RSF1: variants seen among roughly 807,000 people sequenced by gnomAD.
RSF1 encodes remodeling and spacing factor 1.
A neutral mutation model predicts 145.2 loss-of-function variants in RSF1; 13 were observed. The ratio of observed to expected loss-of-function variants is 0.09; its 90% CI spans 0.06 to 0.14. The LOEUF is 0.14. Ranked by LOEUF, RSF1 falls within the 10% of genes least tolerant of loss-of-function variation. The pLI is 1.00. For missense variants in RSF1, 1,517 were observed against 1,718.2 expected (o/e 0.88, Z 2.07); for synonymous variants, 577 against 592.6 (o/e 0.97, Z 0.38).
the RSF1 span, chr11:77,869,750 T>C: frequency 6.2e-7 from 1 of 1,613,988 alleles, no homozygotes; most frequent in Non-Finnish European, 8.5e-7. Context: ...CCTGCAGATG[T>C]GAAGGAAGTT....
At chr11:77,703,016 CTGG>C (rs1356953507) in intron 5 of RSF1, 1 of 152,156 alleles carries the variant, frequency 6.6e-6, no homozygotes. Context: ...TTACTTCCTT[CTGG>C]TCTTGTATAT....
chr11:77,770,722 T>C (rs901175175), intron 1 of RSF1, among the ~76,000 whole-genome samples: 9 of 152,176 alleles, frequency 5.9e-5, no homozygotes, highest in African/African-American at 1.7e-4. Context: ...ACCAAGAAAG[T>C]AATCAGCATA....
At chr11:77,761,104 T>A (rs1322587941) in intron 2 of RSF1, among the ~76,000 whole-genome samples, 1 of 150,910 alleles carries the variant, frequency 6.6e-6, no homozygotes, top group East Asian at 2.0e-4. Context: ...GCCCAGCTAA[T>A]TTTTTTTTGT....
intron 1 of RSF1, among the ~76,000 whole-genome samples, chr11:77,789,694 G>C (rs1222532626): frequency 6.6e-6 from 1 of 152,190 alleles, no homozygotes; most frequent in Non-Finnish European, 1.5e-5. Context: ...CAATTACTCT[G>C]CCCAGGGCCT....
chr11:77,789,077 C>T (rs1948490180), intron 1 of RSF1, among the ~76,000 whole-genome samples: 1 of 152,142 alleles, frequency 6.6e-6, no homozygotes, highest in Non-Finnish European at 1.5e-5. Context: ...CAGGAAACAT[C>T]TACGGCAAGG....
chr11:77,765,827 A>G (rs1948219664), intron 1 of RSF1, among the ~76,000 whole-genome samples: 1 of 152,066 alleles, frequency 6.6e-6, no homozygotes, highest in South Asian at 2.1e-4. Context: ...GGCTCACTGT[A>G]ATCTCCGCCT....
chr11:77,708,775 G>A (rs964663131), intron 5 of RSF1, among the ~76,000 whole-genome samples: 1 of 152,092 alleles, frequency 6.6e-6, no homozygotes, highest in African/African-American at 2.4e-5. Context: ...AGCCTTACCT[G>A]CCTGACCTTT....
At chr11:77,792,518 G>T (rs1948527475) in intron 1 of RSF1, among the ~76,000 whole-genome samples, 1 of 152,066 alleles carries the variant, frequency 6.6e-6, no homozygotes, top group Admixed American at 6.6e-5. Flanking sequence ...CCCACCACTG[G>T]GGACAGAAGA....
At chr11:77,777,834 T>C (rs1948358064) in intron 1 of RSF1, among the ~76,000 whole-genome samples, 1 of 151,050 alleles carries the variant, frequency 6.6e-6, no homozygotes, top group African/African-American at 2.4e-5. Flanking sequence ...AACAAACAAA[T>C]GAACGAACAA....
chr11:77,762,017 C>CTT (rs1948177910), intron 2 of RSF1: 1 of 74,718 alleles, frequency 1.3e-5, no homozygotes, highest in Non-Finnish European at 2.6e-5. Context: ...GTATTATTTT[C>CTT]TTTTCTTTTC....
At chr11:77,710,909 T>C (rs1046171421) in intron 5 of RSF1, among the ~76,000 whole-genome samples, 2 of 152,210 alleles carry the variant, frequency 1.3e-5, no homozygotes, top group Admixed American at 6.5e-5. Context: ...ACTTCCTTAC[T>C]ACCTGGAGTG....
Position 77,778,590 on chromosome 11 carries a change from TCCTACCTCAGCCTACCAATTAGCTTGGA to T in RSF1, c.188-13929_188-13902del, listed in dbSNP as rs1565177800. On this transcript the variant is annotated intron_variant, in intron 1 of 15. Transcript: ENST00000308488. Reference sequence around the variant, plus strand: ...GCAAACTCTTGCACTCAAGTGATCTTCCTACCTCAGCCTACCAATTAGCTTGGACTATAGGCACACCACCACACTCAGC... The same window carrying T: ...GCAAACTCTTGCACTCAAGTGATCTTCTATAGGCACACCACCACACTCAGC... Among the ~76,000 whole-genome samples the T allele has an allele frequency of 3.3e-5, 5 of 152,162 alleles. No homozygotes were observed. In the South Asian group the frequency reaches 1.0e-3, roughly 32 times the overall value.
chr11:77,821,256 G>C (rs752849167), upstream of RSF1: 1 of 230,074 alleles, frequency 4.3e-6, no homozygotes, highest in Admixed American at 5.6e-5. Flanking sequence ...GTTTGCGGGG[G>C]AATCCTGAAA....
At chr11:77,676,219 A>G (rs919356764) in intron 13 of RSF1, among the ~76,000 whole-genome samples, 1 of 152,238 alleles carries the variant, frequency 6.6e-6, no homozygotes, top group African/African-American at 2.4e-5. Flanking sequence ...GATTAAGCCA[A>G]CTTTCCTCTG....
chr11:77,735,338 T>C lies in RSF1; in HGVS notation c.578+5393A>G, dbSNP rs189397499. Reference sequence around the variant, plus strand: ...GTCATGGTATGAAATTTTCAGTAGATCAACTATGTAAAATTATCCCTTTTT... The same window carrying C: ...GTCATGGTATGAAATTTTCAGTAGACCAACTATGTAAAATTATCCCTTTTT... On this transcript the variant is annotated intron_variant, in intron 4 of 15. Coordinates refer to ENST00000308488, the MANE Select transcript of RSF1 (RefSeq NM_016578.4). Among the ~76,000 whole-genome samples the C allele has an allele frequency of 1.4e-3, 216 of 152,348 alleles. 1 individual carries two copies. The highest frequency in any genetic ancestry group is 3.6e-3 in the African/African-American group (148 of 41,590).
At chr11:77,702,592 T>C (rs1960453769) in intron 5 of RSF1, 97 bp from the exon 6 acceptor site, 5 of 745,118 alleles carry the variant, frequency 6.7e-6, no homozygotes, top group Non-Finnish European at 9.3e-6. Flanking sequence ...AAAGTTTCTA[T>C]TTTAAAAGAG....
chr11:77,838,218 C>CT, the RSF1 span, among the ~76,000 whole-genome samples: 26,727 of 152,106 alleles, frequency 0.18, 2,815 homozygotes, highest in Non-Finnish European at 0.24. Context: ...AAGATGTAGA[C>CT]TGTGACTGTT....
chr11:77,768,706 G>A (rs1428210872), intron 1 of RSF1, among the ~76,000 whole-genome samples: 1 of 152,096 alleles, frequency 6.6e-6, no homozygotes, highest in Non-Finnish European at 1.5e-5. Context: ...GTTACAAATA[G>A]AACTGACAAG....
At chr11:77,673,992 A>G (rs903048576) in intron 14 of RSF1, among the ~76,000 whole-genome samples, 6 of 152,224 alleles carry the variant, frequency 3.9e-5, no homozygotes, top group African/African-American at 1.4e-4. Context: ...AAAAGAAAAA[A>G]AAGATATAAA....
Sources: gnomAD v4.1 joint callset for allele counts (sites outside exome capture counted in the v4.1 genomes callset) on GRCh38, gnomAD v4.1.1 for gene constraint, MANE v1.5 for transcripts, NCBI Gene and HGNC (gene_info 2026-07-23, HGNC 2026-07-21) for gene names.